NXPE4: variants seen among roughly 807,000 people sequenced by gnomAD.
NXPE4 encodes the protein NXPE family member 4.
A neutral mutation model predicts 33.3 loss-of-function variants in NXPE4; 42 were observed. The ratio of observed to expected loss-of-function variants is 1.26; its 90% CI spans 0.98 to 1.63. The LOEUF is 1.63. Ranked by LOEUF, NXPE4 falls within the 40% of genes most tolerant of loss-of-function variation. The probability of loss-of-function intolerance (pLI) is 0.00; values close to 1 mark genes in which losing one functional copy is unlikely to be tolerated. For missense variants in NXPE4, 709 were observed against 647.6 expected, an observed-to-expected ratio of 1.09 and a Z score of -1.03; for synonymous variants, 253 against 234.9, an observed-to-expected ratio of 1.08 and a Z score of -0.71.
the NXPE4 span, among the ~76,000 whole-genome samples, chr11:114,615,418 A>G: frequency 6.6e-6 from 1 of 151,626 alleles, no homozygotes; most frequent in Admixed American, 6.6e-5. Context: ...TACCCTATGG[A>G]GAATAAGTAA....
chr11:114,661,297 G>A, the NXPE4 span, among the ~76,000 whole-genome samples: 12 of 152,044 alleles, frequency 7.9e-5, no homozygotes, highest in African/African-American at 2.9e-4. Context: ...ATAATCAATC[G>A]GTTTTGTAAA....
the NXPE4 span, among the ~76,000 whole-genome samples, chr11:114,671,287 G>C: frequency 6.6e-6 from 1 of 151,364 alleles, no homozygotes; most frequent in Non-Finnish European, 1.5e-5. Flanking sequence ...TAGATCTTTA[G>C]AGAAATACGG....
At chr11:114,671,340 G>GAAC in the NXPE4 span, among the ~76,000 whole-genome samples, 3 of 151,162 alleles carry the variant, frequency 2.0e-5, no homozygotes, top group African/African-American at 7.3e-5. Flanking sequence ...AGAGGAATTA[G>GAAC]GAGAGGATAG....
intron 2 of NXPE4, among the ~76,000 whole-genome samples, chr11:114,590,183 G>A (rs1268533417): frequency 1.3e-5 from 2 of 152,160 alleles, no homozygotes; most frequent in African/African-American, 4.8e-5. Context: ...TGCAATATGT[G>A]GATGATATAC....
the NXPE4 span, among the ~76,000 whole-genome samples, chr11:114,645,096 G>C: frequency 6.6e-6 from 1 of 151,916 alleles, no homozygotes; most frequent in Admixed American, 6.6e-5. Flanking sequence ...GAGGTCAGGA[G>C]TTCAAAACCA....
the NXPE4 span, among the ~76,000 whole-genome samples, chr11:114,637,556 T>C: frequency 2.0e-5 from 3 of 150,940 alleles, no homozygotes; most frequent in Admixed American, 6.6e-5. Context: ...TTCTTCCTAG[T>C]CTCAATGGTC....
At chr11:114,601,885 T>A in the NXPE4 span, among the ~76,000 whole-genome samples, 312 of 680 alleles carry the variant, frequency 0.46, 2 homozygotes, top group Middle Eastern at 0.5. Context: ...TATATATAAT[T>A]ATATATTATA....
chr11:114,603,269 G>A, the NXPE4 span, among the ~76,000 whole-genome samples: 1 of 150,962 alleles, frequency 6.6e-6, no homozygotes, highest in Non-Finnish European at 1.5e-5. Flanking sequence ...CTATTTCCTG[G>A]TGGATGATAA....
chr11:114,633,014 A>G, the NXPE4 span, among the ~76,000 whole-genome samples: 1 of 107,070 alleles, frequency 9.3e-6, no homozygotes, highest in Non-Finnish European at 1.7e-5. Context: ...TATATATTAT[A>G]TAATATATAA....
intron 3 of NXPE4, 96 bp from the exon 4 acceptor site, chr11:114,581,882 G>T (rs1949154911): frequency 2.4e-6 from 2 of 842,142 alleles, no homozygotes; most frequent in African/African-American, 3.5e-5. Flanking sequence ...ATTTCTTAGA[G>T]ATAAGTCAAT....
At chr11:114,666,134 T>C in the NXPE4 span, among the ~76,000 whole-genome samples, 2 of 152,160 alleles carry the variant, frequency 1.3e-5, no homozygotes, top group Non-Finnish European at 2.9e-5. Context: ...AGCCATGCCA[T>C]CCTTTCCACT....
chr11:114,586,975 A>G (rs1026131931), intron 2 of NXPE4, among the ~76,000 whole-genome samples: 1 of 152,128 alleles, frequency 6.6e-6, no homozygotes, highest in African/African-American at 2.4e-5. Context: ...ACCCCCTGTG[A>G]ACATCTCTCT....
the NXPE4 span, among the ~76,000 whole-genome samples, chr11:114,658,523 A>C: frequency 6.6e-6 from 1 of 152,262 alleles, no homozygotes; most frequent in Non-Finnish European, 1.5e-5. Context: ...AGCTGCCTCA[A>C]AGGGAAAGAC....
At chr11:114,636,702 G>C in the NXPE4 span, among the ~76,000 whole-genome samples, 1 of 152,004 alleles carries the variant, frequency 6.6e-6, no homozygotes, top group East Asian at 1.9e-4. Context: ...CTTTATTTCT[G>C]CCTTCATTTC....
chr11:114,623,983 G>A, the NXPE4 span, among the ~76,000 whole-genome samples: 5 of 152,116 alleles, frequency 3.3e-5, no homozygotes, highest in African/African-American at 4.8e-5. Context: ...GTATTGCCTC[G>A]TGGGTAACCA....
At chr11:114,636,934 AT>A in the NXPE4 span, among the ~76,000 whole-genome samples, 543 of 152,240 alleles carry the variant, frequency 3.6e-3, no homozygotes, top group Admixed American at 6.0e-3. Context: ...AAAAATGTAT[AT>A]TCTGTTGATT....
chr11:114,593,438 GATC>G (rs1949508625), intron 2 of NXPE4, among the ~76,000 whole-genome samples: 2 of 152,094 alleles, frequency 1.3e-5, no homozygotes, highest in Admixed American at 1.3e-4. Context: ...CAACATCATT[GATC>G]ATCAGAGAAA....
intron 2 of NXPE4, among the ~76,000 whole-genome samples, chr11:114,593,594 C>T (rs1469606486): frequency 6.6e-6 from 1 of 152,046 alleles, no homozygotes; most frequent in Admixed American, 6.6e-5. Context: ...ATTAGTACAA[C>T]CACTATAGAG....
intron 5 of NXPE4, among the ~76,000 whole-genome samples, chr11:114,573,404 C>T (rs111984369): frequency 2.0e-3 from 310 of 152,128 alleles, no homozygotes; most frequent in African/African-American, 7.1e-3. Context: ...CTACTTAAAA[C>T]GTACAGAATG....
Sources: allele counts gnomAD v4.1 joint callset (sites outside exome capture counted in the v4.1 genomes callset), GRCh38; gene constraint gnomAD v4.1.1; transcripts MANE v1.5; gene names NCBI Gene and HGNC (gene_info 2026-07-23, HGNC 2026-07-21).